IPO8: variants seen among roughly 807,000 people sequenced by gnomAD.
IPO8 encodes the protein importin 8, also known as importin-8.
Under a neutral mutation model 141.2 loss-of-function variants are expected in IPO8, and 65 were observed. That is an observed-to-expected ratio of 0.46 (90% CI 0.38 to 0.57). The LOEUF is 0.57. Ranked by LOEUF, IPO8 falls within the 20% of genes least tolerant of loss-of-function variation. The pLI is 0.00. For synonymous variants in IPO8, 411 were observed against 420.3 expected (o/e 0.98, Z 0.27); for missense variants, 980 against 1,246.8 (o/e 0.79, Z 3.22).
chr12:30,666,628 T>C (rs1259724519), intron 10 of IPO8, among the ~76,000 whole-genome samples: 2 of 152,128 alleles, frequency 1.3e-5, no homozygotes, highest in Non-Finnish European at 2.9e-5. Context: ...AACAAAAAGG[T>C]TCTCACGGAG....
chr12:30,661,348 T>C, intron 15 of IPO8, 82 bp from the exon 16 acceptor site: 2 of 1,324,380 alleles, frequency 1.5e-6, no homozygotes, highest in African/African-American at 1.5e-5. Flanking sequence ...AATGGCAGTG[T>C]CACACATCTG....
chr12:30,694,849 T>G (rs1400905252), intron 1 of IPO8: 1 of 366,872 alleles, frequency 2.7e-6, no homozygotes, highest in Non-Finnish European at 5.4e-6. Flanking sequence ...TTTGGGATCA[T>G]TAAAATTTTG....
intron 23 of IPO8, among the ~76,000 whole-genome samples, chr12:30,633,492 T>A (rs2052461401): frequency 6.6e-6 from 1 of 152,224 alleles, no homozygotes; most frequent in African/African-American, 2.4e-5. Flanking sequence ...TTCTACTAGG[T>A]TACTGGTCTT....
At chr12:30,652,931 C>T (rs1476289886) in intron 18 of IPO8, 36 bp downstream of exon 18, 1 of 1,562,480 alleles carries the variant, frequency 6.4e-7, no homozygotes, top group South Asian at 1.2e-5. Context: ...TATCTAGACA[C>T]AGAAAAGCAA....
At chr12:30,659,614 G>A (rs2052853990) in intron 16 of IPO8, among the ~76,000 whole-genome samples, 1 of 152,028 alleles carries the variant, frequency 6.6e-6, no homozygotes, top group African/African-American at 2.4e-5. Context: ...CACTTTGGGA[G>A]GCCGAGGTGG....
intron 20 of IPO8, among the ~76,000 whole-genome samples, chr12:30,641,861 G>A (rs1400515988): frequency 6.6e-6 from 1 of 152,090 alleles, no homozygotes; most frequent in African/African-American, 2.4e-5. Context: ...GAATCGAGTA[G>A]GTTAAGGATA....
At chr12:30,643,416 A>G (rs2052600076) in intron 20 of IPO8, among the ~76,000 whole-genome samples, 1 of 152,216 alleles carries the variant, frequency 6.6e-6, no homozygotes, top group Admixed American at 6.5e-5. Context: ...CCTCACTAAC[A>G]GTAGAGATCA....
In IPO8 at chr12:30,669,360, T is replaced by C. The variant is rs374004383; in HGVS notation, c.1045-78A>G. 2.0e-4 allele frequency: 125 copies of C among 613,208 alleles called. 2 individuals carry two copies. In the South Asian group the frequency reaches 2.8e-3, roughly 14 times the overall value. 38.0% of individuals were successfully genotyped at this position (613,208 alleles called of 1,614,324 possible). On this transcript the variant is annotated intron_variant, in intron 9 of 24. Coordinates refer to ENST00000256079, the MANE Select transcript of IPO8 (RefSeq NM_006390.4). ...TTGAGGAATACTAATAATGTACTTG[T>C]TGACAGCCTTTATGATGTTAGTTTT... is the stretch of plus-strand genomic sequence containing the variant.
chr12:30,650,437 A>G (rs1486644804), intron 19 of IPO8, among the ~76,000 whole-genome samples: 4 of 152,106 alleles, frequency 2.6e-5, no homozygotes, highest in Non-Finnish European at 5.9e-5. Context: ...TATCAGGCAA[A>G]GCCAAGAGTC....
rs755517865 is a variant in IPO8 at position 30,665,314 on chromosome 12, T to C, written c.1339-5A>G. The stretch of plus-strand genomic sequence containing the variant: ...TTGGTCCTTGAATAAACTCTTCTAT[T>C]AGGAAACAAATTTCAACTTATCAAT... On this transcript the variant is annotated splice_region_variant and splice_polypyrimidine_tract_variant and intron_variant, in intron 12 of 24. Coordinates refer to ENST00000256079, the MANE Select transcript of IPO8 (RefSeq NM_006390.4). 1 of 1,496,890 alleles carries C rather than the reference T, an allele frequency of 6.7e-7. No individual in the cohort carries two copies. The highest frequency in any genetic ancestry group is 9.2e-7 in the Non-Finnish European group (1 of 1,082,516). The allele number at this position is 1,496,890 out of a possible 1,614,324, so 92.7% of individuals were successfully genotyped here.
At chr12:30,654,425 A>G (rs185624469) in intron 17 of IPO8, among the ~76,000 whole-genome samples, 1 of 152,154 alleles carries the variant, frequency 6.6e-6, no homozygotes, top group East Asian at 1.9e-4. Context: ...AAAACAATTC[A>G]CAGAACAGAC....
intron 8 of IPO8, among the ~76,000 whole-genome samples, chr12:30,671,322 T>C (rs2053045521): frequency 6.6e-6 from 1 of 152,166 alleles, no homozygotes; most frequent in Admixed American, 6.5e-5. Flanking sequence ...AGGCAAAGTC[T>C]AAATTTCTAT....
intron 22 of IPO8, 66 bp from the exon 23 acceptor site, chr12:30,634,352 C>A: frequency 2.3e-6 from 3 of 1,322,164 alleles, no homozygotes; most frequent in South Asian, 2.5e-5. Context: ...AACTTCACGA[C>A]AAAAACCAAA....
At chr12:30,670,896 T>C (rs1374254287) in intron 9 of IPO8, 66 bp downstream of exon 9, 13 of 1,378,640 alleles carry the variant, frequency 9.4e-6, no homozygotes, top group African/African-American at 1.5e-5. Flanking sequence ...TTAGTAATAC[T>C]AACTTTGTCT....
At chr12:30,692,131 A>C (rs1173790616) in intron 1 of IPO8, among the ~76,000 whole-genome samples, 4 of 152,258 alleles carry the variant, frequency 2.6e-5, no homozygotes. Context: ...GTCATGAATC[A>C]AAGATTAAAA....
At chr12:30,656,550 C>CA in intron 17 of IPO8, 134 bp downstream of exon 17, 1 of 511,896 alleles carries the variant, frequency 2.0e-6, no homozygotes, top group Non-Finnish European at 3.5e-6. Flanking sequence ...AAAGGACATC[C>CA]AAAAATTGAA....
intron 16 of IPO8, among the ~76,000 whole-genome samples, chr12:30,660,674 GCT>G (rs968368494): frequency 2.6e-5 from 4 of 152,002 alleles, no homozygotes; most frequent in African/African-American, 9.7e-5. Context: ...ATGCTTTTCA[GCT>G]CTTTCATTTA....
chr12:30,695,740 C>T lies in IPO8; in HGVS notation c.-93G>A. 1.7e-6 allele frequency: 2 copies of T among 1,191,958 alleles called. No homozygotes were observed. Among genetic ancestry groups the T allele is most frequent in the South Asian group, 1.4e-5 (1 of 72,864 alleles). 73.8% of individuals were successfully genotyped at this position (1,191,958 alleles called of 1,614,324 possible). A position where few individuals can be genotyped will look rare whatever the true frequency, so the allele number is the denominator to read the frequency against. On this transcript the variant is annotated 5_prime_UTR_variant, in exon 1 of 25. Transcript: ENST00000256079. This position sits in a 1 kb window ranked among gnomAD's most constrained non-coding sequence, Gnocchi z 4.2. ...CCCTCTCAGCCTCCTCTTCCGCGAC[C>T]CCTGGATTACCTCACACCCCACCCC...
At chr12:30,655,863 C>G (rs1286364101) in intron 17 of IPO8, among the ~76,000 whole-genome samples, 3 of 152,158 alleles carry the variant, frequency 2.0e-5, no homozygotes, top group East Asian at 3.9e-4. Flanking sequence ...ATCCTTCTAT[C>G]TGAGTACTAC....
Sources: allele counts gnomAD v4.1 joint callset (sites outside exome capture counted in the v4.1 genomes callset), GRCh38; gene constraint gnomAD v4.1.1; non-coding constraint Gnocchi (gnomAD v3.1); transcripts MANE v1.5; gene names NCBI Gene and HGNC (gene_info 2026-07-23, HGNC 2026-07-21).